Variants in MTMR1 observed in about 807,000 individuals in gnomAD.
MTMR1 encodes the protein phosphatidylinositol-3-phosphate phosphatase MTMR1.
A neutral mutation model predicts 51.6 loss-of-function variants in MTMR1; 17 were observed. That is an observed-to-expected ratio of 0.33 (90% CI 0.23 to 0.49). MTMR1 has a LOEUF of 0.49. Among genes scored for constraint, MTMR1 ranks in the 20% least tolerant of loss-of-function variants. MTMR1 has a pLI of 0.99. For missense variants in MTMR1, 386 were observed against 526.9 expected, an observed-to-expected ratio of 0.73 and a Z score of 2.62; for synonymous variants, 201 against 205.6, an observed-to-expected ratio of 0.98 and a Z score of 0.19.
At chrX:150,736,287 G>C (rs1333618711) in intron 10 of MTMR1, 2 of 207,046 alleles carry the variant, frequency 9.7e-6, no homozygotes, top group African/African-American at 5.8e-5. Context: ...AAGAACACCT[G>C]GGACTATCGG....
At chrX:150,726,261 G>A (rs1360210265) in intron 4 of MTMR1, among the ~76,000 whole-genome samples, 1 of 111,679 alleles carries the variant, frequency 9.0e-6, no homozygotes, top group African/African-American at 3.3e-5. Flanking sequence ...ATAATCTGAG[G>A]TGAAACAGTT....
intron 15 of MTMR1, among the ~76,000 whole-genome samples, chrX:150,759,441 CA>C (rs1557417886): frequency 3.1e-4 from 35 of 111,657 alleles, no homozygotes; most frequent in African/African-American, 1.1e-3. Flanking sequence ...GCAGAAAATC[CA>C]ACAGAACCAT....
chrX:150,727,551 A>G (rs781843347), intron 5 of MTMR1, 133 bp from the exon 6 acceptor site: 45 of 527,281 alleles, frequency 8.5e-5, no homozygotes, highest in South Asian at 6.8e-4. Flanking sequence ...AATGCTGTCA[A>G]TCAGACTTCA....
intron 4 of MTMR1, among the ~76,000 whole-genome samples, chrX:150,724,751 A>G (rs1191312254): frequency 4.5e-5 from 5 of 112,002 alleles, no homozygotes; most frequent in African/African-American, 6.5e-5. Context: ...TCCATCTTGA[A>G]TTGATTTTTG....
chrX:150,697,108 A>G (rs1444819521), intron 1 of MTMR1, among the ~76,000 whole-genome samples: 1 of 112,245 alleles, frequency 8.9e-6, no homozygotes, highest in Non-Finnish European at 1.9e-5. Flanking sequence ...GCTGACAGAA[A>G]AAGGCATTAT....
rs73622492 is a variant in MTMR1 at position 150,755,447 on chromosome X, A to G, written c.1681-242A>G. Among the ~76,000 whole-genome samples the G allele has an allele frequency of 4.6e-3, 516 of 111,907 alleles. 4 individuals are homozygous for G. The highest frequency in any genetic ancestry group is 0.015 in the African/African-American group (471 of 30,796). On this transcript the variant is annotated intron_variant, in intron 14 of 15. Transcript: ENST00000445323. ...GTTCTCACTCTGCCTTTCCATAGAC[A>G]CAGTTGTCGGATGCTACCTAACTTC...
chrX:150,736,698 TAA>T lies in MTMR1; in HGVS notation c.1187_1188del (p.Lys396ArgfsTer9). On this transcript the variant is annotated frameshift_variant, in exon 11 of 16. Coordinates refer to ENST00000445323, the MANE Select transcript of MTMR1 (RefSeq NM_001306144.3). LOFTEE classifies it high-confidence loss of function. ...GTCATGCGAGAGTCACTACGCAAAT[TAA>T]AAGAGATTGTGTACCCTTCGATCGA... is the stretch of plus-strand genomic sequence containing the variant. The T allele has an allele frequency of 1.7e-6, 2 of 1,211,527 alleles. No homozygotes were observed. The highest frequency in any genetic ancestry group is 1.1e-6 in the Non-Finnish European group (1 of 895,365).
At chrX:150,739,382 C>A (rs781917511) in intron 12 of MTMR1, among the ~76,000 whole-genome samples, 21 of 112,537 alleles carry the variant, frequency 1.9e-4, no homozygotes, top group Non-Finnish European at 3.6e-4. Context: ...TTGTTTCTTA[C>A]CCCCTCAGCA....
chrX:150,744,815 A>G (rs6627803), intron 13 of MTMR1, among the ~76,000 whole-genome samples: 44,931 of 111,084 alleles, frequency 0.4, 7,769 homozygotes, highest in East Asian at 0.71. Flanking sequence ...TGAGGATGGG[A>G]ATGAACTGCT....
chrX:150,742,816 C>CA (rs1159891625), intron 12 of MTMR1, among the ~76,000 whole-genome samples: 1,390 of 21,266 alleles, frequency 0.065, 45 homozygotes, highest in Non-Finnish European at 0.083. Flanking sequence ...GACTCCATCT[C>CA]AAAAAAAAAA....
intron 1 of MTMR1, among the ~76,000 whole-genome samples, chrX:150,698,674 G>GCACACACACACACACA (rs1264680068): frequency 1.3e-4 from 8 of 61,217 alleles, no homozygotes; most frequent in African/African-American, 5.6e-4. Flanking sequence ...CTGTCTACAC[G>GCACACACACACACACA]CGCGCGCACA....
rs181588539 is a variant in MTMR1 at position 150,719,025 on chromosome X, T to C, written c.352+325T>C. ...TTGGAATCCTTCAGTATAAGGAAAA[T>C]ATAGGAGACCTATATCATGTTTTAA... On this transcript the variant is annotated intron_variant, in intron 4 of 15. Coordinates refer to ENST00000445323, the MANE Select transcript of MTMR1 (RefSeq NM_001306144.3). 5.9e-3 allele frequency among the ~76,000 whole-genome samples: 659 copies of C among 111,534 alleles called. 4 individuals are homozygous for C. Among genetic ancestry groups the C allele is most frequent in the Non-Finnish European group, 9.7e-3 (513 of 53,088 alleles).
At chrX:150,719,671 CGTAAAAT>C (rs2041681818) in intron 4 of MTMR1, among the ~76,000 whole-genome samples, 1 of 111,939 alleles carries the variant, frequency 8.9e-6, no homozygotes, top group African/African-American at 3.3e-5. Context: ...ACAACACAGG[CGTAAAAT>C]GTAAAATGTG....
intron 13 of MTMR1, among the ~76,000 whole-genome samples, chrX:150,748,802 C>T (rs2042647966): frequency 9.0e-6 from 1 of 110,784 alleles, no homozygotes; most frequent in Non-Finnish European, 1.9e-5. Flanking sequence ...TGCACTCCAG[C>T]CTGGGCAACA....
rs1464815242 is a variant in MTMR1 at position 150,693,459 on chromosome X, G to A, written c.-72G>A. The stretch of plus-strand genomic sequence containing the variant: ...GTATAGAGCGGGCGGCAGGAGGCAA[G>A]CAGCGAAACCTTCCCGGCCGCCGCT... On this transcript the variant is annotated 5_prime_UTR_variant, in exon 1 of 16. Coordinates refer to ENST00000445323, the MANE Select transcript of MTMR1 (RefSeq NM_001306144.3). The A allele has an allele frequency of 6.6e-6, 5 of 756,769 alleles. No homozygotes were observed. Among genetic ancestry groups the A allele is most frequent in the Non-Finnish European group, 7.8e-6 (5 of 641,732 alleles). 62.4% of individuals were successfully genotyped at this position (756,769 alleles called of 1,213,427 possible). A position where few individuals can be genotyped will look rare whatever the true frequency, so the allele number is the denominator to read the frequency against.
At chrX:150,695,492 G>T (rs191276038) in intron 1 of MTMR1, among the ~76,000 whole-genome samples, 2 of 111,946 alleles carry the variant, frequency 1.8e-5, no homozygotes, top group Non-Finnish European at 3.8e-5. Context: ...TTGAAGACCT[G>T]CAGGGTAGAG....
rs373536793 is a variant in MTMR1 at position 150,762,679 on chromosome X, C to T, written c.1972C>T (p.Arg658Trp). The stretch of plus-strand genomic sequence containing the variant: ...GCGCGCCGTCTCATCCTCATCTGAG[C>T]GGGGCTCCTCGCCCTCCCACTCCGC... ...ATRAVSSSSE[R>W]GSSPSHSATS... Residue 658 changes from arginine to tryptophan, a missense_variant, in exon 16 of 16, where the codon CGG (arginine) becomes TGG (tryptophan). Arg to Trp is a moderately radical substitution (Grantham distance 101, BLOSUM62 -3). Transcript: ENST00000445323. 66 of 1,192,140 alleles carry T rather than the reference C, an allele frequency of 5.5e-5. No individual in the cohort carries two copies. The African/African-American group carries it at 8.6e-4, about 16-fold the overall frequency.
intron 14 of MTMR1, among the ~76,000 whole-genome samples, chrX:150,751,910 CTTTTTT>C (rs35937277): frequency 7.2e-5 from 3 of 41,622 alleles, no homozygotes; most frequent in African/African-American, 2.1e-4. Flanking sequence ...CTTTTTCTTT[CTTTTTT>C]TTTTTTTTTT....
intron 2 of MTMR1, among the ~76,000 whole-genome samples, chrX:150,708,239 C>A (rs147149787): frequency 7.3e-4 from 82 of 111,729 alleles, no homozygotes; most frequent in African/African-American, 2.6e-3. Context: ...GTGACTGGTA[C>A]ATGGAATCTG....
Sources: gnomAD v4.1 joint callset for allele counts (sites outside exome capture counted in the v4.1 genomes callset) on GRCh38, gnomAD v4.1.1 for gene constraint, MANE v1.5 for transcripts, NCBI Gene and HGNC (gene_info 2026-07-23, HGNC 2026-07-21) for gene names.